Variants in ANO4 observed in about 807,000 individuals in gnomAD.
ANO4 encodes the protein anoctamin-4.
ANO4 carries 69 observed loss-of-function variants against 141.9 expected under a neutral mutation model. That is an observed-to-expected ratio of 0.49 (90% CI 0.40 to 0.59). ANO4 has a LOEUF of 0.59. ANO4 is among the 20% of genes least tolerant of loss of function. ANO4 has a pLI of 0.00. For synonymous variants in ANO4, 350 were observed against 394.3 expected (o/e 0.89, Z 1.33); for missense variants, 894 against 1,162.2 (o/e 0.77, Z 3.36).
At chr12:100,883,041 C>G (rs2039647375) in intron 1 of ANO4, among the ~76,000 whole-genome samples, 3 of 152,106 alleles carry the variant, frequency 2.0e-5, no homozygotes, top group Non-Finnish European at 2.9e-5. Context: ...CTATTGTGCT[C>G]CTAACTACCA....
intron 3 of ANO4, among the ~76,000 whole-genome samples, chr12:100,777,936 T>G (rs939299079): frequency 2.3e-4 from 26 of 111,798 alleles, no homozygotes; most frequent in South Asian, 2.9e-4. Context: ...TTTTTTTTTT[T>G]TGTGACGGAG....
At chr12:100,719,450 T>G (rs546495023) in intron 1 of ANO4, among the ~76,000 whole-genome samples, 1 of 152,316 alleles carries the variant, frequency 6.6e-6, no homozygotes, top group East Asian at 1.9e-4. Flanking sequence ...GGTCCAGCCC[T>G]GGAACCCTCC....
intron 1 of ANO4, among the ~76,000 whole-genome samples, chr12:100,809,793 G>A (rs1435922386): frequency 6.6e-6 from 1 of 152,194 alleles, no homozygotes; most frequent in Non-Finnish European, 1.5e-5. Context: ...GTAGCCATAT[G>A]GAGAGCAAAG....
intron 3 of ANO4, among the ~76,000 whole-genome samples, chr12:100,781,435 T>C (rs75200182): frequency 1.3e-5 from 2 of 152,170 alleles, no homozygotes; most frequent in Non-Finnish European, 2.9e-5. Context: ...TTACATGCTG[T>C]ATCAGTGAGG....
rs181973377 is a variant in ANO4 at position 100,894,434 on chromosome 12, G to A, written c.-140-7212G>A. Among the ~76,000 whole-genome samples the A allele has an allele frequency of 1.1e-3, 173 of 152,106 alleles. 3 individuals are homozygous for A. The highest frequency in any genetic ancestry group is 4.1e-3 in the African/African-American group (171 of 41,432). ...TAGAACTCATACTACTCTCAGAAAT[G>A]CACCTACTTTCAGTTACCCACCAAT... On this transcript the variant is annotated intron_variant, in intron 1 of 27. Coordinates refer to ENST00000392977, the MANE Select transcript of ANO4 (RefSeq NM_001286615.2).
At chr12:100,938,301 G>A (rs2042367730) in intron 3 of ANO4, among the ~76,000 whole-genome samples, 1 of 152,184 alleles carries the variant, frequency 6.6e-6, no homozygotes, top group South Asian at 2.1e-4. Flanking sequence ...ACAAGGGCAG[G>A]AAGCCAGGTC....
At chr12:100,804,758 T>C (rs892779045) in intron 1 of ANO4, among the ~76,000 whole-genome samples, 3 of 152,256 alleles carry the variant, frequency 2.0e-5, no homozygotes, top group Non-Finnish European at 4.4e-5. Context: ...TTTTGAGAAG[T>C]ATCTGTTCAT....
intron 22 of ANO4, among the ~76,000 whole-genome samples, chr12:101,103,205 A>C (rs1209297022): frequency 1.2e-5 from 1 of 82,940 alleles, no homozygotes; most frequent in Non-Finnish European, 2.9e-5. Flanking sequence ...ATATATATAT[A>C]TATATATATA....
intron 8 of ANO4, among the ~76,000 whole-genome samples, chr12:100,994,014 G>A (rs1240535710): frequency 6.6e-6 from 1 of 152,190 alleles, no homozygotes; most frequent in East Asian, 1.9e-4. Context: ...GAAGAGTCCT[G>A]TGCAGTGTAG....
intron 22 of ANO4, among the ~76,000 whole-genome samples, chr12:101,102,962 C>G (rs918181343): frequency 6.6e-6 from 1 of 151,402 alleles, no homozygotes; most frequent in African/African-American, 2.4e-5. Flanking sequence ...CCTTAGGAAT[C>G]TTTGTGCAAC....
intron 3 of ANO4, among the ~76,000 whole-genome samples, chr12:100,778,184 G>T (rs1461990230): frequency 6.6e-6 from 1 of 152,166 alleles, no homozygotes; most frequent in Non-Finnish European, 1.5e-5. Flanking sequence ...CTCCCAAAGT[G>T]CTGGGATTAC....
intron 1 of ANO4, among the ~76,000 whole-genome samples, chr12:100,730,650 G>T (rs1045608725): frequency 6.6e-6 from 1 of 152,046 alleles, no homozygotes; most frequent in Non-Finnish European, 1.5e-5. Context: ...GGTCTTCCCT[G>T]GACAAGCTCA....
At chr12:100,778,187 G>A (rs1399666743) in intron 3 of ANO4, among the ~76,000 whole-genome samples, 1 of 152,110 alleles carries the variant, frequency 6.6e-6, no homozygotes, top group Admixed American at 6.5e-5. Flanking sequence ...CCAAAGTGCT[G>A]GGATTACAGG....
chr12:100,867,045 C>T (rs1223449881), intron 1 of ANO4, among the ~76,000 whole-genome samples: 2 of 151,994 alleles, frequency 1.3e-5, no homozygotes, highest in Non-Finnish European at 2.9e-5. Flanking sequence ...AAATGGATCC[C>T]GATTTTCTTT....
chr12:100,966,567 C>T (rs1459270965), intron 5 of ANO4, among the ~76,000 whole-genome samples: 1 of 152,034 alleles, frequency 6.6e-6, no homozygotes, highest in African/African-American at 2.4e-5. Flanking sequence ...ATCTCTGGCC[C>T]AGACTTCTAC....
intron 7 of ANO4, among the ~76,000 whole-genome samples, chr12:100,983,492 ACT>A (rs2044575275): frequency 6.6e-6 from 1 of 151,942 alleles, no homozygotes; most frequent in Admixed American, 6.6e-5. Context: ...TTATCTGGAG[ACT>A]CTGGGGAAAA....
At chr12:101,000,126 A>G (rs1229871006) in intron 8 of ANO4, among the ~76,000 whole-genome samples, 1 of 152,058 alleles carries the variant, frequency 6.6e-6, no homozygotes, top group Non-Finnish European at 1.5e-5. Context: ...GATAGTTATC[A>G]TTATCATTAT....
chr12:100,929,761 C>T (rs1276491900), intron 3 of ANO4, among the ~76,000 whole-genome samples: 3 of 152,146 alleles, frequency 2.0e-5, no homozygotes, highest in African/African-American at 7.2e-5. Context: ...TTCTCCACAT[C>T]CTTGCCAGCA....
At chr12:100,896,314 G>A (rs2040351233) in intron 1 of ANO4, among the ~76,000 whole-genome samples, 1 of 152,162 alleles carries the variant, frequency 6.6e-6, no homozygotes, top group African/African-American at 2.4e-5. Context: ...AGGGAGATTA[G>A]ACACAAACAC....
Sources: allele counts gnomAD v4.1 joint callset (sites outside exome capture counted in the v4.1 genomes callset), GRCh38; gene constraint gnomAD v4.1.1; transcripts MANE v1.5; gene names NCBI Gene and HGNC (gene_info 2026-07-23, HGNC 2026-07-21).